Variants in UBE2E2 observed in about 807,000 individuals in gnomAD.
The protein encoded by UBE2E2 is ubiquitin-conjugating enzyme E2 E2.
UBE2E2 carries 6 observed loss-of-function variants against 24.7 expected under a neutral mutation model. The ratio of observed to expected loss-of-function variants is 0.24; its 90% CI spans 0.13 to 0.48. UBE2E2 has a LOEUF of 0.48. UBE2E2 is among the 20% of genes least tolerant of loss of function. The probability of loss-of-function intolerance (pLI) is 0.99; values close to 1 mark genes in which losing one functional copy is unlikely to be tolerated. For missense variants in UBE2E2, 169 were observed against 245.0 expected, an observed-to-expected ratio of 0.69 and a Z score of 2.07; for synonymous variants, 104 against 83.6, an observed-to-expected ratio of 1.24 and a Z score of -1.33.
At chr3:23,543,889 A>T (rs1695453325) in intron 5 of UBE2E2, among the ~76,000 whole-genome samples, 1 of 152,228 alleles carries the variant, frequency 6.6e-6, no homozygotes, top group African/African-American at 2.4e-5. Context: ...ATGGAACAGA[A>T]TATTGAACCC....
chr3:23,482,402 G>C (rs1437713516), intron 3 of UBE2E2, among the ~76,000 whole-genome samples: 1 of 151,980 alleles, frequency 6.6e-6, no homozygotes, highest in Non-Finnish European at 1.5e-5. Context: ...TATTCTGTGT[G>C]GCTCATCTCT....
chr3:23,223,104 C>G (rs1162054698), intron 3 of UBE2E2, among the ~76,000 whole-genome samples: 1 of 136,844 alleles, frequency 7.3e-6, no homozygotes, highest in East Asian at 2.3e-4. Flanking sequence ...ACTGTAACCT[C>G]TGCCTCCTGG....
At position 23,589,904 on chromosome 3, in the gene UBE2E2, C is replaced by T; in HGVS notation, c.*73C>T. ...AAGTGCATCGGTAGCCCTGCCCACC[C>T]CTCCAGACCTCGGTTCTTATTTTCC... On this transcript the variant is annotated 3_prime_UTR_variant, in exon 6 of 6. Coordinates refer to ENST00000396703, the MANE Select transcript of UBE2E2 (RefSeq NM_152653.4). This position sits in a 1 kb window ranked among gnomAD's most constrained non-coding sequence, Gnocchi z 4.1. The T allele has an allele frequency of 7.2e-7, 1 of 1,388,610 alleles. No homozygotes were observed. The highest frequency in any genetic ancestry group is 1.4e-5 in the African/African-American group (1 of 70,186). The allele number at this position is 1,388,610 out of a possible 1,614,324, so 86.0% of individuals were successfully genotyped here. A position where few individuals can be genotyped will look rare whatever the true frequency, so the allele number is the denominator to read the frequency against.
chr3:23,561,627 A>T (rs1187356077), intron 5 of UBE2E2, among the ~76,000 whole-genome samples: 1 of 151,404 alleles, frequency 6.6e-6, no homozygotes, highest in African/African-American at 2.4e-5. Context: ...TGGTAGCTTG[A>T]TGGGGATGGC....
intron 4 of UBE2E2, among the ~76,000 whole-genome samples, chr3:23,522,422 G>A (rs1322616995): frequency 2.6e-5 from 4 of 152,128 alleles, no homozygotes; most frequent in Admixed American, 2.6e-4. Flanking sequence ...GTGAGCCACC[G>A]CGCCTGGCCA....
At chr3:23,255,371 G>C (rs890222324) in intron 3 of UBE2E2, among the ~76,000 whole-genome samples, 1 of 151,900 alleles carries the variant, frequency 6.6e-6, no homozygotes, top group Non-Finnish European at 1.5e-5. Context: ...TGGGATTACA[G>C]GCGTGAGCTA....
intron 3 of UBE2E2, among the ~76,000 whole-genome samples, chr3:23,314,123 G>A (rs1694501820): frequency 6.6e-6 from 1 of 152,040 alleles, no homozygotes; most frequent in Non-Finnish European, 1.5e-5. Flanking sequence ...AAAAGTTGCT[G>A]TAGTTACTCT....
At chr3:23,469,796 A>G (rs945521746) in intron 3 of UBE2E2, among the ~76,000 whole-genome samples, 5 of 152,222 alleles carry the variant, frequency 3.3e-5, no homozygotes, top group South Asian at 2.1e-4. Flanking sequence ...AATGTAATCT[A>G]TTGCCAATTG....
intron 4 of UBE2E2, among the ~76,000 whole-genome samples, chr3:23,511,052 G>A (rs567762021): frequency 1.4e-3 from 207 of 152,334 alleles, no homozygotes; most frequent in African/African-American, 4.8e-3. Context: ...ACATAGAGAA[G>A]TGAGCAATGG....
chr3:23,498,852 G>A (rs372624052), intron 3 of UBE2E2, among the ~76,000 whole-genome samples: 2 of 151,912 alleles, frequency 1.3e-5, no homozygotes, highest in African/African-American at 2.4e-5. Flanking sequence ...CAATTCACTC[G>A]ACTCATGTGG....
intron 3 of UBE2E2, among the ~76,000 whole-genome samples, chr3:23,461,391 G>C (rs1451621120): frequency 2.4e-4 from 36 of 151,838 alleles, no homozygotes; most frequent in Admixed American, 2.4e-3. Context: ...ACCAATAAAT[G>C]AGTATCAGGT....
chr3:23,263,311 T>A (rs1697953155), intron 3 of UBE2E2, among the ~76,000 whole-genome samples: 1 of 152,238 alleles, frequency 6.6e-6, no homozygotes, highest in Non-Finnish European at 1.5e-5. Flanking sequence ...GAGCCATTTG[T>A]GAAGATACTG....
intron 3 of UBE2E2, among the ~76,000 whole-genome samples, chr3:23,331,278 G>T (rs185400961): frequency 6.6e-6 from 1 of 152,294 alleles, no homozygotes; most frequent in East Asian, 1.9e-4. Context: ...ACAGATATTT[G>T]TTCAGTACCT....
At chr3:23,565,160 C>T (rs1696038426) in intron 5 of UBE2E2, among the ~76,000 whole-genome samples, 1 of 152,042 alleles carries the variant, frequency 6.6e-6, no homozygotes, top group South Asian at 2.1e-4. Flanking sequence ...CTTTATGGTT[C>T]TCTTTGAAAA....
intron 4 of UBE2E2, among the ~76,000 whole-genome samples, chr3:23,506,095 A>G (rs1694450045): frequency 6.6e-6 from 1 of 152,220 alleles, no homozygotes; most frequent in South Asian, 2.1e-4. Flanking sequence ...AATTTTCAGT[A>G]AGAGCAGTGA....
chr3:23,284,961 A>AT (rs199552762), intron 3 of UBE2E2, among the ~76,000 whole-genome samples: 5,201 of 142,526 alleles, frequency 0.036, 331 homozygotes, highest in African/African-American at 0.13. Context: ...TTGGAAAAAA[A>AT]AATATATATA....
chr3:23,526,577 T>C (rs185108575), intron 4 of UBE2E2, among the ~76,000 whole-genome samples: 2 of 152,138 alleles, frequency 1.3e-5, no homozygotes, highest in Non-Finnish European at 2.9e-5. Flanking sequence ...CTACTGCAAG[T>C]ATAGTATTGA....
chr3:23,499,041 G>A (rs535434402), intron 3 of UBE2E2, among the ~76,000 whole-genome samples: 22 of 152,304 alleles, frequency 1.4e-4, no homozygotes, highest in African/African-American at 5.3e-4. Context: ...GTAGAAAGAA[G>A]CATTAGTTGC....
intron 3 of UBE2E2, among the ~76,000 whole-genome samples, chr3:23,339,304 G>T (rs1349832950): frequency 6.6e-6 from 1 of 152,134 alleles, no homozygotes; most frequent in Admixed American, 6.5e-5. Context: ...AAAGAGATCT[G>T]ATAACTAAAT....
Sources: gnomAD v4.1 joint callset for allele counts (sites outside exome capture counted in the v4.1 genomes callset) on GRCh38, gnomAD v4.1.1 for gene constraint, Gnocchi (gnomAD v3.1) non-coding constraint, MANE v1.5 for transcripts, NCBI Gene and HGNC (gene_info 2026-07-23, HGNC 2026-07-21) for gene names.